EHBP1: variants seen among roughly 807,000 people sequenced by gnomAD.
EHBP1 encodes EH domain-binding protein 1.
EHBP1 carries 55 observed loss-of-function variants against 144.0 expected under a neutral mutation model. The observed-to-expected ratio is 0.38, with a 90% confidence interval of 0.31 to 0.48. The LOEUF is 0.48. Ranked by LOEUF, EHBP1 falls within the 20% of genes least tolerant of loss-of-function variation. The pLI, the probability that EHBP1 is intolerant of heterozygous loss-of-function variation, is 0.98. For missense variants in EHBP1, 1,200 were observed against 1,364.2 expected (o/e 0.88, Z 1.90); for synonymous variants, 469 against 472.7 (o/e 0.99, Z 0.10).
intron 3 of EHBP1, among the ~76,000 whole-genome samples, chr2:62,757,426 CTTTTTTTTTTTTTTTTTTT>C (rs1382328940): frequency 7.2e-4 from 81 of 113,040 alleles, no homozygotes; most frequent in African/African-American, 2.6e-3. Flanking sequence ...TTTTTTTTTT[CTTTTTTTTTTTTTTTTTTT>C]GAGGCAGAGT....
chr2:62,898,432 T>C (rs2053120574), intron 10 of EHBP1, among the ~76,000 whole-genome samples: 1 of 152,156 alleles, frequency 6.6e-6, no homozygotes, highest in Admixed American at 6.6e-5. Context: ...ATGTATATAT[T>C]ATCTTTCACA....
intron 19 of EHBP1, among the ~76,000 whole-genome samples, chr2:63,029,793 G>T (rs973067091): frequency 5.3e-5 from 8 of 152,106 alleles, no homozygotes; most frequent in African/African-American, 1.9e-4. Context: ...GTGCAGTGGC[G>T]CAGTCTCAGC....
chr2:62,963,530 G>A (rs1406273012), intron 14 of EHBP1, among the ~76,000 whole-genome samples: 1 of 152,088 alleles, frequency 6.6e-6, no homozygotes, highest in Non-Finnish European at 1.5e-5. Context: ...ACATATTTAT[G>A]AATATTGGCT....
intron 2 of EHBP1, chr2:62,726,715 T>C (rs1176882243): frequency 6.6e-6 from 1 of 152,214 alleles, no homozygotes; most frequent in African/African-American, 2.4e-5. Flanking sequence ...CTGTGAACAA[T>C]CGATTGAGAT....
intron 19 of EHBP1, among the ~76,000 whole-genome samples, chr2:63,030,769 G>A (rs2061210955): frequency 6.8e-6 from 1 of 146,926 alleles, no homozygotes; most frequent in Admixed American, 6.9e-5. Flanking sequence ...GGGACTACAG[G>A]CATGAACCCG....
At chr2:62,703,800 A>G (rs1473759926), upstream of EHBP1, among the ~76,000 whole-genome samples, 1 of 152,192 alleles carries the variant, frequency 6.6e-6, no homozygotes, top group Non-Finnish European at 1.5e-5. Flanking sequence ...TTTTAAGGGA[A>G]TTTCTTTACA....
rs539461871 is a variant in EHBP1, at chr2:62,833,428, C to G, written c.634+2270C>G. 8.5e-5 allele frequency among the ~76,000 whole-genome samples: 13 copies of G among 152,338 alleles called. No individual in the cohort carries two copies. In the South Asian group the frequency reaches 2.1e-3, roughly 24 times the overall value. ...GCCTTCTATTGGAAGAAGATGCCAT[C>G]TAGGAATTTCACAGCTAGAGGGACA... On this transcript the variant is annotated intron_variant, in intron 7 of 22. Transcript: ENST00000431489.
At chr2:62,679,796 G>A (rs1327397891) in intron 1 of EHBP1, among the ~76,000 whole-genome samples, 1 of 152,198 alleles carries the variant, frequency 6.6e-6, no homozygotes, top group Non-Finnish European at 1.5e-5. Context: ...TTGACTTCAA[G>A]GTTAAATCCC....
At chr2:62,775,856 T>TAAC in intron 5 of EHBP1, among the ~76,000 whole-genome samples, 1 of 152,292 alleles carries the variant, frequency 6.6e-6, no homozygotes, top group East Asian at 1.9e-4. Context: ...TTATCCAGTC[T>TAAC]TGTCTTTCTC....
chr2:62,868,103 A>G (rs2050179373), intron 9 of EHBP1, among the ~76,000 whole-genome samples: 1 of 152,200 alleles, frequency 6.6e-6, no homozygotes. Flanking sequence ...AGCCAGGCAC[A>G]GTGGCTCACA....
chr2:62,768,839 G>T (rs551121382), intron 4 of EHBP1, among the ~76,000 whole-genome samples: 1 of 152,104 alleles, frequency 6.6e-6, no homozygotes, highest in African/African-American at 2.4e-5. Context: ...CTTAGTCCTC[G>T]GAATGCAAAG....
intron 10 of EHBP1, among the ~76,000 whole-genome samples, chr2:62,922,179 A>G (rs1175096169): frequency 6.6e-6 from 1 of 152,090 alleles, no homozygotes; most frequent in Non-Finnish European, 1.5e-5. Flanking sequence ...CGTCTCAAAG[A>G]AAAAAAATCA....
intron 10 of EHBP1, among the ~76,000 whole-genome samples, chr2:62,877,540 G>A (rs1451659560): frequency 6.6e-6 from 1 of 152,136 alleles, no homozygotes; most frequent in Non-Finnish European, 1.5e-5. Context: ...ACAACAGAAT[G>A]TACATTATTT....
At chr2:62,735,865 G>T (rs2038073170) in intron 2 of EHBP1, among the ~76,000 whole-genome samples, 1 of 152,064 alleles carries the variant, frequency 6.6e-6, no homozygotes, top group African/African-American at 2.4e-5. Flanking sequence ...TGTTTGCATG[G>T]TTTCTGAGAA....
chr2:62,920,724 G>A (rs972167250), intron 10 of EHBP1, among the ~76,000 whole-genome samples: 2 of 151,894 alleles, frequency 1.3e-5, no homozygotes, highest in Admixed American at 6.6e-5. Flanking sequence ...GTGCAATGAC[G>A]TGATTTCTGC....
chr2:62,785,603 A>G (rs1337669285), intron 5 of EHBP1, among the ~76,000 whole-genome samples: 1 of 152,202 alleles, frequency 6.6e-6, no homozygotes, highest in African/African-American at 2.4e-5. Flanking sequence ...GGGGAAAGAT[A>G]TCCAGAAGGC....
intron 7 of EHBP1, among the ~76,000 whole-genome samples, chr2:62,853,373 C>T (rs887061058): frequency 4.6e-5 from 7 of 152,222 alleles, no homozygotes; most frequent in African/African-American, 1.7e-4. Context: ...AGAGAAGCAA[C>T]TCCTCATCCT....
At chr2:62,932,108 T>A (rs1323884239) in intron 10 of EHBP1, among the ~76,000 whole-genome samples, 1 of 147,606 alleles carries the variant, frequency 6.8e-6, no homozygotes, top group Non-Finnish European at 1.5e-5. Flanking sequence ...GCCCGGGAGG[T>A]GGAGGTTGCA....
At chr2:62,715,949 G>T (rs148775741) in intron 2 of EHBP1, among the ~76,000 whole-genome samples, 1 of 151,980 alleles carries the variant, frequency 6.6e-6, no homozygotes, top group Non-Finnish European at 1.5e-5. Context: ...CCCTATTATC[G>T]CTAAGATAAC....
Sources: gnomAD v4.1 joint callset for allele counts (sites outside exome capture counted in the v4.1 genomes callset) on GRCh38, gnomAD v4.1.1 for gene constraint, MANE v1.5 for transcripts, NCBI Gene and HGNC (gene_info 2026-07-23, HGNC 2026-07-21) for gene names.